The following EDNRA variants were observed in gnomAD, a reference collection of about 807,000 sequenced individuals.
EDNRA encodes endothelin receptor type A.
A neutral mutation model predicts 41.4 loss-of-function variants in EDNRA; 11 were observed. The ratio of observed to expected loss-of-function variants is 0.27; its 90% CI spans 0.17 to 0.44. The LOEUF (loss-of-function observed/expected upper bound fraction) is 0.44. Among genes scored for constraint, EDNRA ranks in the 20% least tolerant of loss-of-function variants. The pLI, the probability that EDNRA is intolerant of heterozygous loss-of-function variation, is 1.00. For missense variants in EDNRA, 294 were observed against 531.0 expected (o/e 0.55, Z 4.39); for synonymous variants, 172 against 183.0 (o/e 0.94, Z 0.49).
intron 2 of EDNRA, among the ~76,000 whole-genome samples, chr4:147,513,535 C>T (rs2126437046): frequency 6.6e-6 from 1 of 152,296 alleles, no homozygotes; most frequent in South Asian, 2.1e-4. Flanking sequence ...TCTTTATAAT[C>T]ATCTCAGTCT....
chr4:147,513,621 A>G (rs1314898474), intron 2 of EDNRA, among the ~76,000 whole-genome samples: 1 of 152,172 alleles, frequency 6.6e-6, no homozygotes, highest in Non-Finnish European at 1.5e-5. Context: ...CCTTCCCCAG[A>G]AAGAAAGAAA....
chr4:147,494,154 T>A (rs1161036790), intron 2 of EDNRA: 1 of 152,210 alleles, frequency 6.6e-6, no homozygotes, highest in Admixed American at 6.5e-5. Flanking sequence ...ATTCACCACT[T>A]GTTTACTCAG....
At chr4:147,526,231 TC>T (rs1313361723) in intron 3 of EDNRA, among the ~76,000 whole-genome samples, 1 of 152,236 alleles carries the variant, frequency 6.6e-6, no homozygotes, top group East Asian at 1.9e-4. Flanking sequence ...ACCCCACTTC[TC>T]TTTGATAACT....
chr4:147,506,165 G>T, intron 2 of EDNRA: 1 of 528,150 alleles, frequency 1.9e-6, no homozygotes, highest in South Asian at 1.4e-5. Context: ...GGATTGCCAA[G>T]ACTCAAGGAA....
chr4:147,498,897 G>T (rs1018016662), intron 2 of EDNRA, among the ~76,000 whole-genome samples: 6 of 152,124 alleles, frequency 3.9e-5, no homozygotes, highest in African/African-American at 1.4e-4. Flanking sequence ...GAGCCACTGC[G>T]ACCAGACACT....
intron 2 of EDNRA, chr4:147,506,229 G>T: frequency 1.9e-6 from 1 of 518,846 alleles, no homozygotes; most frequent in South Asian, 1.4e-5. Flanking sequence ...TCATGATATT[G>T]GCCGAAAAGC....
At chr4:147,498,331 C>A (rs1384219104) in intron 2 of EDNRA, among the ~76,000 whole-genome samples, 1 of 152,154 alleles carries the variant, frequency 6.6e-6, no homozygotes, top group African/African-American at 2.4e-5. Flanking sequence ...AGAATCATCT[C>A]CAGCTCCTGT....
intron 3 of EDNRA, among the ~76,000 whole-genome samples, chr4:147,523,399 A>T (rs779807487): frequency 6.6e-6 from 1 of 151,306 alleles, no homozygotes; most frequent in Non-Finnish European, 1.5e-5. Context: ...GTGATGCTAT[A>T]CTAGAGTGTG....
intron 3 of EDNRA, among the ~76,000 whole-genome samples, chr4:147,524,318 C>T (rs1025643480): frequency 6.6e-5 from 10 of 151,820 alleles, no homozygotes; most frequent in Admixed American, 3.9e-4. Flanking sequence ...AGTGTTGAGT[C>T]GGGGAGATAC....
At chr4:147,515,918 G>A (rs1305567332) in intron 2 of EDNRA, among the ~76,000 whole-genome samples, 1 of 152,142 alleles carries the variant, frequency 6.6e-6, no homozygotes, top group Non-Finnish European at 1.5e-5. Context: ...CATGCAGCTT[G>A]TCAATTCTAT....
chr4:147,497,524 C>T (rs1406486574), intron 2 of EDNRA, among the ~76,000 whole-genome samples: 1 of 151,848 alleles, frequency 6.6e-6, no homozygotes, highest in Non-Finnish European at 1.5e-5. Context: ...AGCAAATAGC[C>T]AATAAAGTTA....
intron 6 of EDNRA, among the ~76,000 whole-genome samples, 176 bp downstream of exon 6, chr4:147,540,126 C>T (rs1238240621): frequency 6.6e-6 from 1 of 152,208 alleles, no homozygotes; most frequent in Non-Finnish European, 1.5e-5. Flanking sequence ...GTGCAAGCCA[C>T]ATCTGTTATC....
chr4:147,490,396 G>A (rs1306145348), intron 2 of EDNRA: 1 of 152,262 alleles, frequency 6.6e-6, no homozygotes, highest in East Asian at 1.9e-4. Flanking sequence ...ACTAATTGCA[G>A]TAGAAGATTG....
intron 2 of EDNRA, chr4:147,489,785 G>A (rs1341235524): frequency 6.6e-6 from 1 of 151,976 alleles, no homozygotes; most frequent in Non-Finnish European, 1.5e-5. Flanking sequence ...CCGGGACTTT[G>A]CTTCCATCTG....
At chr4:147,538,307 T>C (rs1303489244) in intron 5 of EDNRA, among the ~76,000 whole-genome samples, 1 of 152,142 alleles carries the variant, frequency 6.6e-6, no homozygotes, top group East Asian at 1.9e-4. Context: ...CCTATACTTC[T>C]CAGTAGCTCT....
chr4:147,488,184 T>A (rs1043472362), intron 2 of EDNRA: 1 of 152,214 alleles, frequency 6.6e-6, no homozygotes, highest in East Asian at 1.9e-4. Flanking sequence ...AGACTTGCCA[T>A]GTGCAAAGCA....
At chr4:147,536,099 A>G (rs1730911844) in intron 5 of EDNRA, 70 bp downstream of exon 5, 1 of 1,534,188 alleles carries the variant, frequency 6.5e-7, no homozygotes, top group Admixed American at 1.7e-5. Context: ...GCCTGCAAAT[A>G]CCATCTTTAG....
intron 3 of EDNRA, among the ~76,000 whole-genome samples, chr4:147,526,163 G>C (rs1730535808): frequency 6.6e-6 from 1 of 152,200 alleles, no homozygotes; most frequent in Non-Finnish European, 1.5e-5. Flanking sequence ...ATCGTACTGA[G>C]TTATTTGTTC....
chr4:147,496,231 T>TAGCTTGAAAGAAGATTTAAATTTC (rs1364722017), intron 2 of EDNRA, among the ~76,000 whole-genome samples: 3 of 152,240 alleles, frequency 2.0e-5, no homozygotes, highest in Non-Finnish European at 4.4e-5. Context: ...TGTGAACTTT[T>TAGCTTGAAAGAAGATTTAAATTTC]AGTTTGAAAG....
Sources: gnomAD v4.1 joint callset for allele counts (sites outside exome capture counted in the v4.1 genomes callset) on GRCh38, gnomAD v4.1.1 for gene constraint, MANE v1.5 for transcripts, NCBI Gene and HGNC (gene_info 2026-07-23, HGNC 2026-07-21) for gene names.